DROSHA: variants seen among roughly 807,000 people sequenced by gnomAD.
The protein encoded by DROSHA is drosha ribonuclease III.
A neutral mutation model predicts 181.9 loss-of-function variants in DROSHA; 56 were observed. That is an observed-to-expected ratio of 0.31 (90% CI 0.25 to 0.38). The LOEUF is 0.38. DROSHA is among the 10% of genes least tolerant of loss of function. DROSHA has a pLI of 1.00. For missense variants in DROSHA, 1,218 were observed against 1,743.5 expected (o/e 0.70, Z 5.37); for synonymous variants, 524 against 591.2 (o/e 0.89, Z 1.65).
Position 31,406,676 on chromosome 5 carries a change from C to A in DROSHA, c.3947+177G>T, listed in dbSNP as rs79072011. Reference sequence around the variant, plus strand: ...AATGGTATTCCCATGGTCCAGGGCTCGGCTTTGAGACAATTAATGTGGGGA... The same window carrying A: ...AATGGTATTCCCATGGTCCAGGGCTAGGCTTTGAGACAATTAATGTGGGGA... On this transcript the variant is annotated intron_variant, in intron 34 of 35. Coordinates refer to ENST00000344624, the MANE Select transcript of DROSHA (RefSeq NM_001382508.1). Among the ~76,000 whole-genome samples the A allele has an allele frequency of 1.1e-4, 17 of 152,210 alleles. 1 individual carries two copies. The South Asian group carries it at 3.5e-3, about 32-fold the overall frequency.
At chr5:31,509,378 G>A (rs922170205) in intron 9 of DROSHA, among the ~76,000 whole-genome samples, 3 of 152,086 alleles carry the variant, frequency 2.0e-5, no homozygotes, top group South Asian at 4.1e-4. Flanking sequence ...GTAGTAGTAC[G>A]TAGTTTAACA....
intron 6 of DROSHA, among the ~76,000 whole-genome samples, chr5:31,516,815 T>G (rs992691078): frequency 1.3e-5 from 2 of 152,204 alleles, no homozygotes; most frequent in Non-Finnish European, 2.9e-5. Context: ...TATTATTCTT[T>G]TATATGTATA....
At chr5:31,476,593 A>G (rs1750394686) in intron 16 of DROSHA, among the ~76,000 whole-genome samples, 1 of 152,204 alleles carries the variant, frequency 6.6e-6, no homozygotes, top group Non-Finnish European at 1.5e-5. Context: ...TGGCAACTAA[A>G]CCTTAAAGAG....
chr5:31,502,000 G>A (rs555306305), intron 11 of DROSHA, among the ~76,000 whole-genome samples: 1 of 152,328 alleles, frequency 6.6e-6, no homozygotes, highest in Non-Finnish European at 1.5e-5. Context: ...CAATTTTTAG[G>A]AGTCCAGTGG....
chr5:31,492,845 C>T lies in DROSHA; in HGVS notation c.1842+362G>A, dbSNP rs113998382. 7.6e-3 allele frequency among the ~76,000 whole-genome samples: 1,153 copies of T among 152,350 alleles called. 16 individuals carry two copies. Among genetic ancestry groups the T allele is most frequent in the African/African-American group, 0.026 (1,098 of 41,578 alleles). ...CTGAATAAGCTCTGTTTCTTTTGCT[C>T]AGAGACTAAACAATGGCTTCTCCTT... On this transcript the variant is annotated intron_variant, in intron 13 of 35. Transcript: ENST00000344624.
At chr5:31,405,643 A>T in intron 35 of DROSHA, 34 bp downstream of exon 35, 1 of 1,524,866 alleles carries the variant, frequency 6.6e-7, no homozygotes, top group Non-Finnish European at 8.8e-7. Flanking sequence ...TCATTACATT[A>T]TGAACATAAT....
intron 15 of DROSHA, among the ~76,000 whole-genome samples, chr5:31,484,233 G>A (rs1025320502): frequency 1.3e-5 from 2 of 151,878 alleles, no homozygotes; most frequent in African/African-American, 4.8e-5. Context: ...AATTAGCCGG[G>A]CGTAGTGGTG....
chr5:31,526,071 C>T lies in DROSHA; in HGVS notation c.854+8G>A, dbSNP rs756879347. 9 of 1,568,336 alleles carry T rather than the reference C, an allele frequency of 5.7e-6. No individual in the cohort carries two copies. In the East Asian group the frequency reaches 6.8e-5, roughly 12 times the overall value. ...AGTTCATTAAAGAACTACACACAAG[C>T]GGTTTACCTGCTCCGTTCGTAGCTG... On this transcript the variant is annotated splice_region_variant and intron_variant, in intron 5 of 35. Coordinates refer to ENST00000344624, the MANE Select transcript of DROSHA (RefSeq NM_001382508.1).
intron 25 of DROSHA, among the ~76,000 whole-genome samples, chr5:31,434,836 C>T (rs578203654): frequency 2.0e-5 from 3 of 152,216 alleles, no homozygotes; most frequent in East Asian, 3.9e-4. Context: ...TTAAATAAAC[C>T]CAGAAGTCTA....
chr5:31,530,351 C>T (rs1392652976), intron 3 of DROSHA, among the ~76,000 whole-genome samples: 1 of 152,024 alleles, frequency 6.6e-6, no homozygotes, highest in East Asian at 1.9e-4. Flanking sequence ...GTGCTCCTGC[C>T]ACCATAGGCT....
At chr5:31,491,393 A>G (rs186644183) in intron 13 of DROSHA, among the ~76,000 whole-genome samples, 1 of 152,350 alleles carries the variant, frequency 6.6e-6, no homozygotes, top group Admixed American at 6.5e-5. Flanking sequence ...AAGCTTATAA[A>G]GATTGAAATG....
intron 16 of DROSHA, among the ~76,000 whole-genome samples, chr5:31,474,525 G>T (rs1750135463): frequency 6.6e-6 from 1 of 152,076 alleles, no homozygotes; most frequent in African/African-American, 2.4e-5. Context: ...ACCAGGCCTG[G>T]CTACTTTTTT....
intron 5 of DROSHA, among the ~76,000 whole-genome samples, chr5:31,522,306 T>C (rs919708972): frequency 6.6e-6 from 1 of 152,186 alleles, no homozygotes; most frequent in Non-Finnish European, 1.5e-5. Context: ...GAGTTTACAT[T>C]TGGGCAGTAA....
chr5:31,497,662 C>T (rs1580305232), intron 11 of DROSHA, among the ~76,000 whole-genome samples: 3 of 152,228 alleles, frequency 2.0e-5, no homozygotes, highest in South Asian at 4.1e-4. Context: ...AGAGATAGCT[C>T]CCATTCACTC....
chr5:31,504,489 C>T, intron 11 of DROSHA, 66 bp downstream of exon 11: 2 of 1,520,966 alleles, frequency 1.3e-6, no homozygotes, highest in Non-Finnish European at 1.8e-6. Context: ...GGGGAAAGAA[C>T]AGCAACAACA....
rs190923794 is a variant in DROSHA at position 31,506,358 on chromosome 5, G to A, written c.1588-1723C>T. ...AGCCTGGGCGACAGAGTGAGACCCC[G>A]TCTCAAAAAAAAAAAAAAACTTATA... On this transcript the variant is annotated intron_variant, in intron 10 of 35. Coordinates refer to ENST00000344624, the MANE Select transcript of DROSHA (RefSeq NM_001382508.1). 2.8e-3 allele frequency among the ~76,000 whole-genome samples: 268 copies of A among 96,342 alleles called. 1 individual carries two copies. The highest frequency in any genetic ancestry group is 6.4e-3 in the African/African-American group (214 of 33,346). The allele number at this position is 96,342 out of a possible 152,430, so 63.2% of individuals were successfully genotyped here.
chr5:31,466,794 G>A (rs1749065222), intron 18 of DROSHA, among the ~76,000 whole-genome samples: 1 of 152,144 alleles, frequency 6.6e-6, no homozygotes, highest in African/African-American at 2.4e-5. Flanking sequence ...TTTGTCCACT[G>A]GAGAGGATAA....
At chr5:31,491,893 C>T (rs1752471956) in intron 13 of DROSHA, among the ~76,000 whole-genome samples, 1 of 152,198 alleles carries the variant, frequency 6.6e-6, no homozygotes, top group African/African-American at 2.4e-5. Context: ...CTCCCAGGTT[C>T]AAATGATTCT....
intron 28 of DROSHA, 39 bp downstream of exon 28, chr5:31,424,387 GA>G: frequency 6.3e-7 from 1 of 1,580,306 alleles, no homozygotes; most frequent in Non-Finnish European, 8.6e-7. Flanking sequence ...TGAATAGCTG[GA>G]GTTATAAAGC....
Sources: allele counts gnomAD v4.1 joint callset (sites outside exome capture counted in the v4.1 genomes callset), GRCh38; gene constraint gnomAD v4.1.1; transcripts MANE v1.5; gene names NCBI Gene and HGNC (gene_info 2026-07-23, HGNC 2026-07-21).